Variants in VPS13A observed in about 807,000 individuals in gnomAD.
The protein encoded by VPS13A is intermembrane lipid transfer protein VPS13A.
Under a neutral mutation model 390.9 loss-of-function variants are expected in VPS13A, and 264 were observed. That is an observed-to-expected ratio of 0.68 (90% CI 0.61 to 0.75). The LOEUF (loss-of-function observed/expected upper bound fraction) is 0.75. Among genes scored for constraint, VPS13A ranks in the 30% least tolerant of loss-of-function variants. The pLI is 0.00. For synonymous variants in VPS13A, 1,231 were observed against 1,227.1 expected, an observed-to-expected ratio of 1.00 and a Z score of -0.07; for missense variants, 3,409 against 3,733.9, an observed-to-expected ratio of 0.91 and a Z score of 2.27.
intron 10 of VPS13A, among the ~76,000 whole-genome samples, chr9:77,218,156 C>T (rs1020680777): frequency 2.8e-5 from 4 of 145,118 alleles, no homozygotes; most frequent in African/African-American, 5.1e-5. Flanking sequence ...CTCTGTCTCC[C>T]GGGCTGGAGT....
At chr9:77,358,269 T>C (rs1033673922) in intron 56 of VPS13A, 88 bp from the exon 57 acceptor site, 1 of 1,230,290 alleles carries the variant, frequency 8.1e-7, no homozygotes, top group Non-Finnish European at 1.2e-6. Flanking sequence ...GCTAGACTTT[T>C]TGATTCTTTT....
chr9:77,268,776 C>A (rs919138727), intron 23 of VPS13A, among the ~76,000 whole-genome samples: 1 of 151,922 alleles, frequency 6.6e-6, no homozygotes, highest in Admixed American at 6.6e-5. Flanking sequence ...CCCGTCTGTA[C>A]TAAAAATATA....
At chr9:77,366,931 A>G (rs548454389) in intron 61 of VPS13A, 59 bp downstream of exon 61, 1 of 1,565,030 alleles carries the variant, frequency 6.4e-7, no homozygotes, top group Admixed American at 1.8e-5. Context: ...ATATGTCCCT[A>G]AAAATTTCGT....
intron 47 of VPS13A, chr9:77,338,266 C>T (rs960840550): frequency 1.3e-5 from 2 of 152,096 alleles, no homozygotes; most frequent in African/African-American, 4.8e-5. Context: ...GCCAGTACAC[C>T]CAGCCGTTTA....
chr9:77,231,804 C>T (rs1318186080), intron 17 of VPS13A, among the ~76,000 whole-genome samples: 1 of 152,090 alleles, frequency 6.6e-6, no homozygotes, highest in East Asian at 1.9e-4. Flanking sequence ...CTTTTGATGT[C>T]TTATCTCAGA....
intron 29 of VPS13A, 51 bp downstream of exon 29, chr9:77,282,325 G>C: frequency 6.6e-7 from 1 of 1,519,152 alleles, no homozygotes; most frequent in South Asian, 1.2e-5. Flanking sequence ...TAACCATGTA[G>C]GTCAATAAAT....
chr9:77,286,451 A>T (rs1172431233), intron 31 of VPS13A, among the ~76,000 whole-genome samples: 2 of 152,162 alleles, frequency 1.3e-5, no homozygotes, highest in Non-Finnish European at 2.9e-5. Context: ...TCTCCAGTAG[A>T]TTTCTTAGGC....
chr9:77,221,207 G>A lies in VPS13A; in HGVS notation c.1012G>A (p.Val338Ile), dbSNP rs761528876. The A allele has an allele frequency of 1.4e-5, 22 of 1,613,184 alleles. No homozygotes were observed. The African/African-American group carries it at 1.6e-4, about 12-fold the overall frequency. The stretch of plus-strand genomic sequence containing the variant: ...TAGGTGGGCTTATGCTATACATGGC[G>A]TTCTTGAAGTAAATGTTTGCCCCAG... ...REWWAYAIHGVLEVNVCPRLW... is the reference protein window; with the variant it reads ...REWWAYAIHGILEVNVCPRLW... Residue 338 changes from valine to isoleucine, a missense_variant, in exon 13 of 72, where the codon GTT (valine) becomes ATT (isoleucine). Around this residue, in one of 5 missense-constraint regions of VPS13A, gnomAD observed 2,717 missense variants for 2,917.4 expected, o/e 0.93. Transcript: ENST00000360280.
chr9:77,311,449 G>T (rs950753538), intron 35 of VPS13A, among the ~76,000 whole-genome samples: 2 of 150,412 alleles, frequency 1.3e-5, no homozygotes, highest in African/African-American at 2.4e-5. Context: ...TCCAGTTAGG[G>T]TTCATCTTTC....
intron 64 of VPS13A, 24 bp downstream of exon 64, chr9:77,370,356 G>A (rs2131587376): frequency 1.9e-6 from 3 of 1,614,142 alleles, no homozygotes; most frequent in South Asian, 1.1e-5. Flanking sequence ...TATCTACCAA[G>A]TATTTTTGTG....
rs534294623 is a variant in VPS13A at position 77,405,768 on chromosome 9, T to C, written c.9276-96T>C. On this transcript the variant is annotated intron_variant, in intron 69 of 71. Transcript: ENST00000360280. ...AGAATATAGTCTATGTTGATGAATA[T>C]TGCATTTGCACTTGCGATTCATTCG... 2.6e-5 allele frequency: 38 copies of C among 1,474,644 alleles called. 1 individual carries two copies. In the East Asian group the frequency reaches 8.7e-4, roughly 34 times the overall value. The allele number at this position is 1,474,644 out of a possible 1,614,324, so 91.3% of individuals were successfully genotyped here. A position where few individuals can be genotyped will look rare whatever the true frequency, so the allele number is the denominator to read the frequency against.
intron 32 of VPS13A, among the ~76,000 whole-genome samples, chr9:77,293,980 T>C (rs1827828166): frequency 6.6e-6 from 1 of 152,158 alleles, no homozygotes; most frequent in South Asian, 2.1e-4. Flanking sequence ...CGTAGCTCAT[T>C]GTAACCTTGA....
intron 33 of VPS13A, among the ~76,000 whole-genome samples, chr9:77,297,581 G>C (rs371932829): frequency 1.3e-4 from 20 of 150,940 alleles, no homozygotes; most frequent in African/African-American, 4.6e-4. Flanking sequence ...CTTTTTTTTG[G>C]GGGGGCAGGG....
At chr9:77,217,695 C>T (rs1020649818) in intron 10 of VPS13A, among the ~76,000 whole-genome samples, 5 of 151,838 alleles carry the variant, frequency 3.3e-5, no homozygotes, top group Non-Finnish European at 7.4e-5. Context: ...CCACATTGTC[C>T]GGTTACCTGT....
intron 13 of VPS13A, among the ~76,000 whole-genome samples, chr9:77,223,117 T>C (rs959841934): frequency 3.9e-5 from 6 of 152,164 alleles, no homozygotes; most frequent in African/African-American, 9.7e-5. Flanking sequence ...ATTTGCAAAT[T>C]GTTCATTGCT....
intron 60 of VPS13A, among the ~76,000 whole-genome samples, chr9:77,366,245 A>T (rs1832423251): frequency 6.6e-6 from 1 of 152,102 alleles, no homozygotes; most frequent in African/African-American, 2.4e-5. Context: ...GGGCAAAATC[A>T]TCTAACACAA....
At chr9:77,346,180 A>T (rs1315261627) in intron 52 of VPS13A, among the ~76,000 whole-genome samples, 1 of 150,662 alleles carries the variant, frequency 6.6e-6, no homozygotes, top group African/African-American at 2.4e-5. Flanking sequence ...GTTAACATCT[A>T]TTTTTTTTTA....
At chr9:77,227,366 T>G in intron 15 of VPS13A, 25 bp from the exon 16 acceptor site, 1 of 1,510,820 alleles carries the variant, frequency 6.6e-7, no homozygotes, top group Admixed American at 1.7e-5. Context: ...TTTAAGAACA[T>G]AAAGCACTTC....
At chr9:77,240,735 A>G (rs1182500573) in intron 19 of VPS13A, among the ~76,000 whole-genome samples, 2 of 151,898 alleles carry the variant, frequency 1.3e-5, no homozygotes, top group Admixed American at 1.3e-4. Flanking sequence ...CAGCCTCCCA[A>G]AGTGCTGGGA....
Sources: allele counts gnomAD v4.1 joint callset (sites outside exome capture counted in the v4.1 genomes callset), GRCh38; gene constraint gnomAD v4.1.1; regional missense constraint gnomAD v4.1.1; transcripts MANE v1.5; gene names NCBI Gene and HGNC (gene_info 2026-07-23, HGNC 2026-07-21).